The following CDH10 variants were observed in gnomAD, a reference collection of about 807,000 sequenced individuals.
CDH10 encodes the protein cadherin-10.
A neutral mutation model predicts 73.1 loss-of-function variants in CDH10; 30 were observed. The observed-to-expected ratio is 0.41, with a 90% CI of 0.31 to 0.56. CDH10 has a LOEUF of 0.56. Among genes scored for constraint, CDH10 ranks in the 20% least tolerant of loss-of-function variants. The pLI is 0.27. For synonymous variants in CDH10, 345 were observed against 348.2 expected, an observed-to-expected ratio of 0.99 and a Z score of 0.10; for missense variants, 815 against 973.7, an observed-to-expected ratio of 0.84 and a Z score of 2.17.
Position 24,488,074 on chromosome 5 carries a change from G to T in CDH10, c.1956C>A (p.Asp652Glu). The part of the protein sequence containing the change: ...PLILSKEDIR[D>E]NIVSYNDEGG... ...CCTCATCGTTATAGCTCACAATGTT[G>T]TCTCTGATATCTTCTTTTGACAAGA... The change falls in exon 12 of 12, where the codon GAC (aspartate) becomes GAA (glutamate). Residue 652 changes from aspartate to glutamate, a missense_variant. By Grantham distance (45) the Asp-to-Glu change is conservative (BLOSUM62 2). Around this residue, in one of 3 missense-constraint regions of CDH10, gnomAD observed 241 missense variants for 240.3 expected, o/e 1.00. Transcript: ENST00000264463. 2 of 1,613,718 alleles carry T rather than the reference G, an allele frequency of 1.2e-6. No individual in the cohort carries two copies. Among genetic ancestry groups the T allele is most frequent in the Non-Finnish European group, 1.7e-6 (2 of 1,179,856 alleles).
chr5:24,519,984 T>C (rs1743255259), intron 5 of CDH10, among the ~76,000 whole-genome samples: 2 of 152,138 alleles, frequency 1.3e-5, no homozygotes, highest in Non-Finnish European at 2.9e-5. Context: ...TTGCACCCCA[T>C]CTCCTCCCTG....
intron 2 of CDH10, among the ~76,000 whole-genome samples, chr5:24,576,611 A>G (rs986210326): frequency 2.6e-5 from 4 of 151,998 alleles, no homozygotes; most frequent in Non-Finnish European, 4.4e-5. Flanking sequence ...TCAGTCAAAT[A>G]GTATTAGATT....
intron 2 of CDH10, among the ~76,000 whole-genome samples, chr5:24,554,524 G>GCGCA (rs1744695710): frequency 1.1e-5 from 1 of 91,018 alleles, no homozygotes; most frequent in African/African-American, 3.7e-5. Flanking sequence ...GTGTGTGCAC[G>GCGCA]TGCATGATTT....
Position 24,487,869 on chromosome 5 carries a change from G to A in CDH10, c.2161C>T (p.His721Tyr), listed in dbSNP as rs2111604143. The change falls in exon 12 of 12, where the codon CAT (histidine) becomes TAT (tyrosine). Residue 721 changes from histidine (H) to tyrosine (Y), a missense_variant. This residue lies in a region of CDH10 where 241 missense variants were observed against 240.3 expected (regional missense o/e 1.00). Coordinates refer to ENST00000264463, the MANE Select transcript of CDH10 (RefSeq NM_006727.5). ...GGGGGTGCGGTGGGGTCAAGATCAT[G>A]CTCTTTTAGCCTTTCATTAATGAAA... ...RDFINERLKE[H>Y]DLDPTAPPYD... The A allele has an allele frequency of 6.2e-7, 1 of 1,613,832 alleles. No individual in the cohort carries two copies. Among genetic ancestry groups the A allele is most frequent in the Non-Finnish European group, 8.5e-7 (1 of 1,179,910 alleles).
intron 2 of CDH10, among the ~76,000 whole-genome samples, chr5:24,547,910 C>G (rs2111937861): frequency 6.6e-6 from 1 of 152,276 alleles, no homozygotes; most frequent in African/African-American, 2.4e-5. Context: ...AGTGGCAAAA[C>G]ACACAGACAA....
Position 24,602,583 on chromosome 5 carries a change from T to G in CDH10, c.-123-8970A>C, listed in dbSNP as rs114709944. On this transcript the variant is annotated intron_variant, in intron 1 of 11. Coordinates refer to ENST00000264463, the MANE Select transcript of CDH10 (RefSeq NM_006727.5). ...TTTACCTATTTCCCCAATTAGACAT[T>G]CTGCAACTTGGGAAAATGTATTATT... 9.8e-3 allele frequency among the ~76,000 whole-genome samples: 1,496 copies of G among 152,286 alleles called. 19 individuals carry two copies. Among genetic ancestry groups the G allele is most frequent in the African/African-American group, 0.035 (1,444 of 41,562 alleles).
intron 2 of CDH10, among the ~76,000 whole-genome samples, chr5:24,540,460 A>G (rs755011020): frequency 6.6e-5 from 10 of 151,912 alleles, no homozygotes; most frequent in Non-Finnish European, 4.4e-5. Flanking sequence ...CTTCACTTAT[A>G]CTACAGAGAG....
At chr5:24,638,961 C>G (rs1395025) in intron 1 of CDH10, among the ~76,000 whole-genome samples, 91,868 of 151,258 alleles carry the variant, frequency 0.61, 31,516 homozygotes, top group Admixed American at 0.75. Context: ...AGATTTAAAC[C>G]ACTTGAGTTA....
chr5:24,578,202 C>A, intron 2 of CDH10: 1 of 170,080 alleles, frequency 5.9e-6, no homozygotes. Context: ...TACATTGTAA[C>A]CAAGAAAATG....
intron 1 of CDH10, among the ~76,000 whole-genome samples, chr5:24,639,420 A>C (rs1314561611): frequency 1.3e-5 from 2 of 151,698 alleles, no homozygotes; most frequent in Non-Finnish European, 3.0e-5. Flanking sequence ...CCTTTGATCT[A>C]TTCAGATAAT....
At chr5:24,641,423 T>C (rs927983914) in intron 1 of CDH10, among the ~76,000 whole-genome samples, 9 of 152,054 alleles carry the variant, frequency 5.9e-5, no homozygotes, top group African/African-American at 2.2e-4. Flanking sequence ...GTGAATATCA[T>C]CCAAAGGTTT....
intron 2 of CDH10, among the ~76,000 whole-genome samples, chr5:24,582,938 A>G (rs1204307013): frequency 6.6e-6 from 1 of 152,206 alleles, no homozygotes; most frequent in African/African-American, 2.4e-5. Context: ...AGAGTAATAT[A>G]AAATCCCTAT....
intron 3 of CDH10, 55 bp downstream of exon 3, chr5:24,537,325 C>A (rs941099911): frequency 2.1e-5 from 25 of 1,179,458 alleles, no homozygotes; most frequent in African/African-American, 1.9e-4. Flanking sequence ...ATAAGAATTT[C>A]TTGATTTTTA....
chr5:24,620,773 T>TG (rs1747289956), intron 1 of CDH10, among the ~76,000 whole-genome samples: 1 of 152,046 alleles, frequency 6.6e-6, no homozygotes, highest in African/African-American at 2.4e-5. Flanking sequence ...TGTTAAGCGG[T>TG]GCCCATACCA....
rs186394212 is a variant in CDH10, at chr5:24,585,331, G to A, written c.231+7929C>T. Among the ~76,000 whole-genome samples, 699 of 152,242 alleles carry A rather than the reference G, an allele frequency of 4.6e-3. 3 individuals are homozygous for A. Among genetic ancestry groups the A allele is most frequent in the Non-Finnish European group, 8.3e-3 (563 of 68,016 alleles). On this transcript the variant is annotated intron_variant, in intron 2 of 11. Coordinates refer to ENST00000264463, the MANE Select transcript of CDH10 (RefSeq NM_006727.5). ...GAGTTTGTATCACTCAACAAGATCAGTCATCAATTCCTTGGAACGTTTTGC... is the reference window on the plus strand; with the variant it reads ...GAGTTTGTATCACTCAACAAGATCAATCATCAATTCCTTGGAACGTTTTGC...
rs750460996 is a variant in CDH10, at chr5:24,607,720, TACTC to T, written c.-123-14111_-123-14108del. Among the ~76,000 whole-genome samples, 4 of 152,314 alleles carry T rather than the reference TACTC, an allele frequency of 2.6e-5. No individual in the cohort carries two copies. The East Asian group carries it at 7.7e-4, about 29-fold the overall frequency. ...TTTCTCAAAAAATTAAATTATGTATTACTCACAGAGCAAGGACATTTTGTCTCAG... is the reference window on the plus strand; with the variant it reads ...TTTCTCAAAAAATTAAATTATGTATTACAGAGCAAGGACATTTTGTCTCAG... On this transcript the variant is annotated intron_variant, in intron 1 of 11. Transcript: ENST00000264463.
At chr5:24,564,590 C>A (rs1016545585) in intron 2 of CDH10, among the ~76,000 whole-genome samples, 2 of 152,056 alleles carry the variant, frequency 1.3e-5, no homozygotes, top group Non-Finnish European at 2.9e-5. Flanking sequence ...CCCCCACGGC[C>A]CCCTCCAGGA....
intron 1 of CDH10, among the ~76,000 whole-genome samples, chr5:24,606,737 G>A (rs12519117): frequency 0.58 from 87,481 of 152,048 alleles, 28,463 homozygotes; most frequent in Admixed American, 0.73. Context: ...AATTGAAAAC[G>A]TTTAAACGTT....
At chr5:24,582,583 T>C (rs1384030718) in intron 2 of CDH10, among the ~76,000 whole-genome samples, 1 of 152,172 alleles carries the variant, frequency 6.6e-6, no homozygotes, top group African/African-American at 2.4e-5. Context: ...TTGTATTTAT[T>C]TGTTAAAGTG....
Sources: gnomAD v4.1 joint callset for allele counts (sites outside exome capture counted in the v4.1 genomes callset) on GRCh38, gnomAD v4.1.1 for gene constraint, gnomAD v4.1.1 regional missense constraint, MANE v1.5 for transcripts, NCBI Gene and HGNC (gene_info 2026-07-23, HGNC 2026-07-21) for gene names.